The following ADGRL3 variants were observed in gnomAD, a reference collection of about 807,000 sequenced individuals.
ADGRL3 encodes the protein calcium-independent alpha-latrotoxin receptor 3.
In ADGRL3, 62 loss-of-function variants were observed where a neutral mutation model predicts 153.5. The observed-to-expected ratio is 0.40, with a 90% confidence interval of 0.33 to 0.50. The LOEUF (loss-of-function observed/expected upper bound fraction) is 0.50, where lower values mean the gene tolerates loss of function less well. Ranked by LOEUF, ADGRL3 falls within the 20% of genes least tolerant of loss-of-function variation. The pLI is 0.47. For synonymous variants in ADGRL3, 710 were observed against 672.5 expected (o/e 1.06, Z -0.86); for missense variants, 1,641 against 1,859.4 (o/e 0.88, Z 2.16).
chr4:62,074,695 T>C lies in ADGRL3; in HGVS notation c.*3787T>C, dbSNP rs934633169. The stretch of plus-strand genomic sequence containing the variant: ...AGCACGTAAGGGAAATATCCTTAAC[T>C]TCCTGTAAAAAAAATTCACATTGAC... On this transcript the variant is annotated 3_prime_UTR_variant, in exon 27 of 27. Transcript: ENST00000683033. 2.6e-5 allele frequency: 4 copies of C among 152,142 alleles called. No homozygotes were observed. Among genetic ancestry groups the C allele is most frequent in the African/African-American group, 7.2e-5 (3 of 41,436 alleles). The allele number at this position is 152,142 out of a possible 1,614,324, so 9.4% of individuals were successfully genotyped here. A position where few individuals can be genotyped will look rare whatever the true frequency, so the allele number is the denominator to read the frequency against.
intron 6 of ADGRL3, among the ~76,000 whole-genome samples, chr4:61,707,602 C>T (rs1452965113): frequency 6.6e-6 from 1 of 152,008 alleles, no homozygotes; most frequent in African/African-American, 2.4e-5. Context: ...ATTAATTTTG[C>T]TCAAACGTGA....
intron 1 of ADGRL3, among the ~76,000 whole-genome samples, chr4:61,258,689 G>A (rs1320597876): frequency 6.6e-6 from 1 of 152,148 alleles, no homozygotes; most frequent in Non-Finnish European, 1.5e-5. Context: ...CTAAGGTGTT[G>A]TCTAACCAGT....
At chr4:61,797,828 A>G (rs1451444379) in intron 8 of ADGRL3, among the ~76,000 whole-genome samples, 2 of 152,164 alleles carry the variant, frequency 1.3e-5, no homozygotes, top group Non-Finnish European at 2.9e-5. Flanking sequence ...GTGTATCAGG[A>G]TCTATGTCAT....
intron 2 of ADGRL3, among the ~76,000 whole-genome samples, chr4:61,416,761 A>G (rs2097149074): frequency 6.6e-6 from 1 of 152,088 alleles, no homozygotes; most frequent in Non-Finnish European, 1.5e-5. Context: ...TTTTTCATGG[A>G]CCTGGGGTGG....
At chr4:61,449,623 T>C (rs1254855622) in intron 2 of ADGRL3, among the ~76,000 whole-genome samples, 1 of 152,190 alleles carries the variant, frequency 6.6e-6, no homozygotes, top group Non-Finnish European at 1.5e-5. Flanking sequence ...CAGTCTGGAC[T>C]ATTAACAAAG....
intron 1 of ADGRL3, among the ~76,000 whole-genome samples, chr4:61,265,731 A>G (rs934226585): frequency 5.9e-5 from 9 of 151,900 alleles, no homozygotes; most frequent in Non-Finnish European, 1.2e-4. Context: ...GCAATATAAC[A>G]TACTGTAGAG....
chr4:61,659,781 T>C (rs921559868), intron 5 of ADGRL3, among the ~76,000 whole-genome samples: 1 of 152,008 alleles, frequency 6.6e-6, no homozygotes, highest in African/African-American at 2.4e-5. Context: ...GATATTTATA[T>C]TTTGCATTTC....
At chr4:61,810,657 C>G (rs1228417239) in intron 8 of ADGRL3, among the ~76,000 whole-genome samples, 1 of 152,058 alleles carries the variant, frequency 6.6e-6, no homozygotes, top group Non-Finnish European at 1.5e-5. Flanking sequence ...TTCCAGAATC[C>G]ATAATGGCCT....
intron 1 of ADGRL3, among the ~76,000 whole-genome samples, chr4:61,215,718 A>T (rs918538774): frequency 2.0e-5 from 3 of 151,042 alleles, no homozygotes; most frequent in Non-Finnish European, 4.4e-5. Flanking sequence ...CGCCCGGTTT[A>T]TTTTTTTGTA....
At chr4:61,888,811 A>T (rs545022541) in intron 9 of ADGRL3, among the ~76,000 whole-genome samples, 1 of 152,316 alleles carries the variant, frequency 6.6e-6, no homozygotes, top group East Asian at 1.9e-4. Context: ...AAAATACCGT[A>T]TCATTGTTAT....
At chr4:61,833,372 C>G (rs1283297197) in intron 9 of ADGRL3, among the ~76,000 whole-genome samples, 1 of 152,142 alleles carries the variant, frequency 6.6e-6, no homozygotes. Context: ...AAGAGTAATT[C>G]GCTGAGAGCC....
chr4:61,840,300 G>A (rs933557070), intron 9 of ADGRL3, among the ~76,000 whole-genome samples: 10 of 151,878 alleles, frequency 6.6e-5, no homozygotes, highest in Non-Finnish European at 1.5e-4. Context: ...GTGTGGTCTC[G>A]AACTCCTGAC....
intron 8 of ADGRL3, among the ~76,000 whole-genome samples, chr4:61,763,451 C>T (rs1321400917): frequency 6.6e-6 from 1 of 151,786 alleles, no homozygotes; most frequent in Non-Finnish European, 1.5e-5. Context: ...TCAAAGTAAG[C>T]AACATTTCTT....
Position 61,432,622 on chromosome 4 carries a change from CTTTCTTTCTTTCTTTCTTTCTTTCTTTCT to C in ADGRL3, c.-174+49436_-174+49464del, listed in dbSNP as rs1560623065. Reference sequence around the variant, plus strand: ...TCTTTCTTTCTTTCTTTCTTTCTTTCTTTCTTTCTTTCTTTCTTTCTTTCTTTCTTTCTTTTTTTTTTTTTTTTGAGACA... The same window carrying C: ...TCTTTCTTTCTTTCTTTCTTTCTTTCTTCTTTTTTTTTTTTTTTTGAGACA... On this transcript the variant is annotated intron_variant, in intron 2 of 26. Transcript: ENST00000683033. Among the ~76,000 whole-genome samples, 7 of 69,610 alleles carry C rather than the reference CTTTCTTTCTTTCTTTCTTTCTTTCTTTCT, an allele frequency of 1.0e-4. 1 individual carries two copies. Among genetic ancestry groups the C allele is most frequent in the African/African-American group, 3.9e-4 (7 of 18,112 alleles). The allele number at this position is 69,610 out of a possible 152,430, so 45.7% of individuals were successfully genotyped here.
At chr4:61,908,006 A>G (rs1427544475) in intron 11 of ADGRL3, among the ~76,000 whole-genome samples, 2 of 152,208 alleles carry the variant, frequency 1.3e-5, no homozygotes, top group Non-Finnish European at 2.9e-5. Flanking sequence ...TTGAAAAGAT[A>G]CATATCAAAT....
In ADGRL3 at chr4:61,856,996, C is replaced by A. The variant is rs865808561; in HGVS notation, c.1481-35660C>A. Among the ~76,000 whole-genome samples the A allele has an allele frequency of 6.5e-4, 81 of 125,084 alleles. 1 individual carries two copies. In the Middle Eastern group the frequency reaches 0.024, roughly 37 times the overall value. The allele number at this position is 125,084 out of a possible 152,430, so 82.1% of individuals were successfully genotyped here. The stretch of plus-strand genomic sequence containing the variant: ...TCTTTCTTTCTTTCTTTCTTTCTTT[C>A]TTTCTTTCTTTCTTTCTTTCCTTCC... On this transcript the variant is annotated intron_variant, in intron 9 of 26. Transcript: ENST00000683033.
At chr4:61,418,848 C>T (rs1157368469) in intron 2 of ADGRL3, among the ~76,000 whole-genome samples, 3 of 150,510 alleles carry the variant, frequency 2.0e-5, no homozygotes, top group Non-Finnish European at 4.4e-5. Context: ...GTTGGATATA[C>T]AGGTAGCATA....
intron 8 of ADGRL3, among the ~76,000 whole-genome samples, chr4:61,761,281 T>A (rs539903822): frequency 3.9e-5 from 6 of 152,208 alleles, no homozygotes; most frequent in Non-Finnish European, 7.4e-5. Flanking sequence ...AAGTTTGTTT[T>A]GGGAAAGGGC....
intron 1 of ADGRL3, among the ~76,000 whole-genome samples, chr4:61,254,921 C>A (rs2091813321): frequency 6.6e-6 from 1 of 151,994 alleles, no homozygotes; most frequent in African/African-American, 2.4e-5. Flanking sequence ...CAGTGCACAC[C>A]ACAGCACCAA....
Sources: allele counts gnomAD v4.1 joint callset (sites outside exome capture counted in the v4.1 genomes callset), GRCh38; gene constraint gnomAD v4.1.1; transcripts MANE v1.5; gene names NCBI Gene and HGNC (gene_info 2026-07-23, HGNC 2026-07-21).